Variants in LUZP2 observed in about 807,000 individuals in gnomAD.
The protein encoded by LUZP2 is leucine zipper protein 2.
In LUZP2, 52 loss-of-function variants were observed where a neutral mutation model predicts 51.6. The observed-to-expected ratio is 1.01, with a 90% CI of 0.81 to 1.27. LUZP2 has a LOEUF of 1.27. Ranked by LOEUF, LUZP2 falls within the 50% of genes most tolerant of loss-of-function variation. The pLI is 0.00. For missense variants in LUZP2, 436 were observed against 395.4 expected (o/e 1.10, Z -0.87); for synonymous variants, 154 against 137.3 (o/e 1.12, Z -0.85).
At chr11:24,715,302 T>TGTGC (rs1852252167) in intron 1 of LUZP2, among the ~76,000 whole-genome samples, 3 of 69,438 alleles carry the variant, frequency 4.3e-5, no homozygotes, top group Admixed American at 4.0e-4. Context: ...TGTGTGTGTG[T>TGTGC]GTGTGCATGC....
At chr11:24,823,715 T>C (rs571506153) in intron 5 of LUZP2, among the ~76,000 whole-genome samples, 1 of 152,036 alleles carries the variant, frequency 6.6e-6, no homozygotes, top group Non-Finnish European at 1.5e-5. Flanking sequence ...AATGCAGATA[T>C]TGAAGGGATA....
At chr11:24,636,517 C>T (rs932840009) in intron 1 of LUZP2, among the ~76,000 whole-genome samples, 2 of 152,138 alleles carry the variant, frequency 1.3e-5, no homozygotes, top group Non-Finnish European at 2.9e-5. Flanking sequence ...TAGCTCATAT[C>T]ATTGTGGGAG....
At chr11:24,844,242 A>T (rs1325998815) in intron 5 of LUZP2, among the ~76,000 whole-genome samples, 1 of 152,184 alleles carries the variant, frequency 6.6e-6, no homozygotes, top group African/African-American at 2.4e-5. Flanking sequence ...GATGCAGAAG[A>T]GGAACTTGTT....
chr11:25,016,810 C>G (rs934308005), intron 9 of LUZP2, among the ~76,000 whole-genome samples: 2 of 152,024 alleles, frequency 1.3e-5, no homozygotes, highest in African/African-American at 4.8e-5. Context: ...ATTACTGGAT[C>G]GAATGGTAGA....
At chr11:24,570,945 T>C (rs1177815375) in intron 1 of LUZP2, among the ~76,000 whole-genome samples, 1 of 152,034 alleles carries the variant, frequency 6.6e-6, no homozygotes, top group Non-Finnish European at 1.5e-5. Flanking sequence ...GGAAAGCAAA[T>C]ACCTATGTTC....
Position 24,763,326 on chromosome 11 carries a change from T to C in LUZP2, c.396+18T>C, listed in dbSNP as rs1250798822. 4 of 1,201,544 alleles carry C rather than the reference T, an allele frequency of 3.3e-6. No homozygotes were observed. In the Admixed American group the frequency reaches 1.1e-4, roughly 32 times the overall value. 74.4% of individuals were successfully genotyped at this position (1,201,544 alleles called of 1,614,324 possible). On this transcript the variant is annotated intron_variant, in intron 5 of 11. Transcript: ENST00000336930. Reference sequence around the variant, plus strand: ...AGAATGAGGTAAGATATATTTCATCTTAGATACATTTTATATAGATCAAAT... The same window carrying C: ...AGAATGAGGTAAGATATATTTCATCCTAGATACATTTTATATAGATCAAAT...
chr11:24,610,896 A>G (rs1000387334), intron 1 of LUZP2, among the ~76,000 whole-genome samples: 6 of 152,128 alleles, frequency 3.9e-5, no homozygotes, highest in Admixed American at 1.3e-4. Flanking sequence ...AGTGAGTCAA[A>G]GTTGCACCAT....
intron 1 of LUZP2, among the ~76,000 whole-genome samples, chr11:24,677,145 T>A (rs1448633460): frequency 6.6e-6 from 1 of 152,180 alleles, no homozygotes; most frequent in African/African-American, 2.4e-5. Flanking sequence ...CTTTGACAAT[T>A]GTTATGAAAA....
At chr11:25,021,349 A>G (rs530954946) in intron 9 of LUZP2, among the ~76,000 whole-genome samples, 1 of 152,042 alleles carries the variant, frequency 6.6e-6, no homozygotes, top group East Asian at 1.9e-4. Context: ...AGCCATGCAC[A>G]AAAAAACAAG....
rs970760841 is a variant in LUZP2 at position 25,052,073 on chromosome 11, T to C, written c.858+1943T>C. ...AAAGCTGCCTCCACCAGAACAAATA[T>C]AAATGTTATTTCACTAACCTGACTT... On this transcript the variant is annotated intron_variant, in intron 10 of 11. Transcript: ENST00000336930. Among the ~76,000 whole-genome samples, 6 of 152,156 alleles carry C rather than the reference T, an allele frequency of 3.9e-5. No homozygotes were observed. The South Asian group carries it at 1.0e-3, about 26-fold the overall frequency.
At chr11:24,589,032 G>C (rs148930384) in intron 1 of LUZP2, among the ~76,000 whole-genome samples, 62 of 152,084 alleles carry the variant, frequency 4.1e-4, no homozygotes, top group African/African-American at 1.5e-3. Context: ...TATCAGTTTG[G>C]TAATTTATCC....
intron 1 of LUZP2, among the ~76,000 whole-genome samples, chr11:24,617,774 A>T (rs1854337969): frequency 6.6e-6 from 1 of 152,058 alleles, no homozygotes; most frequent in Admixed American, 6.6e-5. Flanking sequence ...TGCAGTGAGC[A>T]GAGATTGCAC....
chr11:24,612,952 G>T (rs1396839), intron 1 of LUZP2, among the ~76,000 whole-genome samples: 20,224 of 151,960 alleles, frequency 0.13, 1,708 homozygotes, highest in East Asian at 0.24. Context: ...AACCCTAGTG[G>T]TACTAACAAA....
At chr11:24,981,329 T>A (rs772567832) in intron 8 of LUZP2, among the ~76,000 whole-genome samples, 6 of 151,760 alleles carry the variant, frequency 4.0e-5, no homozygotes, top group Non-Finnish European at 8.8e-5. Context: ...ATAGCATTTG[T>A]AAAATGTCAT....
intron 5 of LUZP2, among the ~76,000 whole-genome samples, chr11:24,780,034 G>A (rs551990755): frequency 6.6e-6 from 1 of 152,062 alleles, no homozygotes; most frequent in Admixed American, 6.6e-5. Flanking sequence ...ATTCTGGGCT[G>A]GTTACTTCTG....
rs1314729076 is a variant in LUZP2, at chr11:24,875,548, T to C, written c.397-30443T>C. ...TCCAAGTCTTTGCTATTGTGAATAG[T>C]GCCGCAATAAACATACGTGTGCATG... On this transcript the variant is annotated intron_variant, in intron 5 of 11. Coordinates refer to ENST00000336930, the MANE Select transcript of LUZP2 (RefSeq NM_001009909.4). Among the ~76,000 whole-genome samples, 8 of 146,460 alleles carry C rather than the reference T, an allele frequency of 5.5e-5. No individual in the cohort carries two copies. In the South Asian group the frequency reaches 1.6e-3, roughly 30 times the overall value.
rs543859702 is a variant in LUZP2 at position 25,016,110 on chromosome 11, C to T, written c.765+32817C>T. On this transcript the variant is annotated intron_variant, in intron 9 of 11. Transcript: ENST00000336930. ...TAATTTTTTGCATTTTTAGTAGAGA[C>T]GGGGTTTCATGGTGTTAGCCAGGAT... 5.3e-5 allele frequency among the ~76,000 whole-genome samples: 8 copies of T among 151,646 alleles called. No homozygotes were observed. In the East Asian group the frequency reaches 1.4e-3, roughly 26 times the overall value.
chr11:24,702,356 C>T lies in LUZP2; in HGVS notation c.63-26813C>T, dbSNP rs76923426. Among the ~76,000 whole-genome samples the T allele has an allele frequency of 9.9e-4, 150 of 151,706 alleles. 1 individual carries two copies. The highest frequency in any genetic ancestry group is 3.5e-3 in the African/African-American group (146 of 41,340). ...TGATCCTCGACATAACCAATAAAATCTCAATTATGGAAGAAGAAATAAAAA... is the reference window on the plus strand; with the variant it reads ...TGATCCTCGACATAACCAATAAAATTTCAATTATGGAAGAAGAAATAAAAA... On this transcript the variant is annotated intron_variant, in intron 1 of 11. Transcript: ENST00000336930.
intron 1 of LUZP2, among the ~76,000 whole-genome samples, chr11:24,642,686 A>C (rs1187227812): frequency 6.6e-6 from 1 of 151,914 alleles, no homozygotes; most frequent in Middle Eastern, 3.2e-3. Flanking sequence ...AGACTTTATT[A>C]TAGGGACTAC....
Sources: gnomAD v4.1 joint callset for allele counts (sites outside exome capture counted in the v4.1 genomes callset) on GRCh38, gnomAD v4.1.1 for gene constraint, MANE v1.5 for transcripts, NCBI Gene and HGNC (gene_info 2026-07-23, HGNC 2026-07-21) for gene names.